PDE10A: variants seen among roughly 807,000 people sequenced by gnomAD.
The protein encoded by PDE10A is cAMP and cAMP-inhibited cGMP 3',5'-cyclic phosphodiesterase 10A.
In PDE10A, 39 loss-of-function variants were observed where a neutral mutation model predicts 97.7. The observed-to-expected ratio is 0.40, with a 90% CI of 0.31 to 0.52. The LOEUF is 0.52. Ranked by LOEUF, PDE10A falls within the 20% of genes least tolerant of loss-of-function variation. PDE10A has a pLI of 0.56. For synonymous variants in PDE10A, 371 were observed against 376.8 expected (o/e 0.98, Z 0.18); for missense variants, 731 against 1,047.8 (o/e 0.70, Z 4.17).
chr6:165,447,346 G>T (rs1188338090), intron 5 of PDE10A, among the ~76,000 whole-genome samples: 2 of 152,156 alleles, frequency 1.3e-5, no homozygotes, highest in Non-Finnish European at 2.9e-5. Context: ...GGCTAGAATT[G>T]CTGAGTCCAA....
At chr6:165,382,211 C>T (rs766040810) in intron 17 of PDE10A, among the ~76,000 whole-genome samples, 5 of 152,228 alleles carry the variant, frequency 3.3e-5, no homozygotes, top group South Asian at 2.1e-4. Flanking sequence ...TTGGTGCTGA[C>T]GCTGAAAGAT....
intron 16 of PDE10A, 119 bp downstream of exon 16, chr6:165,392,527 T>C (rs1785801119): frequency 1.1e-6 from 1 of 940,606 alleles, no homozygotes; most frequent in Non-Finnish European, 1.6e-6. Context: ...TATTGATTTA[T>C]TAAGCCAAAA....
intron 5 of PDE10A, among the ~76,000 whole-genome samples, chr6:165,447,701 G>C (rs1009324739): frequency 3.3e-5 from 5 of 152,148 alleles, no homozygotes; most frequent in Non-Finnish European, 7.3e-5. Context: ...AATACTACCA[G>C]TGTCTGAAAT....
At chr6:165,960,572 AG>A in intron 1 of PDE10A, among the ~76,000 whole-genome samples, 1 of 152,362 alleles carries the variant, frequency 6.6e-6, no homozygotes, top group East Asian at 1.9e-4. Context: ...ACAAGCCTGT[AG>A]TCTTGAAAGG....
At chr6:165,830,580 G>A (rs1417362587) in intron 1 of PDE10A, among the ~76,000 whole-genome samples, 3 of 152,204 alleles carry the variant, frequency 2.0e-5, no homozygotes, top group East Asian at 1.9e-4. Context: ...TGTGCACACC[G>A]GGAGTTACCC....
At chr6:165,913,961 G>C (rs1583277042) in intron 1 of PDE10A, among the ~76,000 whole-genome samples, 1 of 152,168 alleles carries the variant, frequency 6.6e-6, no homozygotes, top group South Asian at 2.1e-4. Flanking sequence ...GGACATAAGG[G>C]TTTCTTGAAT....
intron 1 of PDE10A, among the ~76,000 whole-genome samples, chr6:165,978,773 T>A (rs1391821291): frequency 3.3e-5 from 5 of 152,214 alleles, no homozygotes; most frequent in African/African-American, 9.7e-5. Context: ...TAACGTTATA[T>A]CATTGTTAAG....
chr6:165,788,964 G>A (rs1721709071), intron 1 of PDE10A, among the ~76,000 whole-genome samples: 2 of 152,084 alleles, frequency 1.3e-5, no homozygotes, highest in African/African-American at 4.8e-5. Context: ...GGAGAGAGGT[G>A]GTGGAAAAGG....
intron 1 of PDE10A, among the ~76,000 whole-genome samples, chr6:165,721,837 A>T (rs1266383204): frequency 6.6e-6 from 1 of 152,232 alleles, no homozygotes; most frequent in Non-Finnish European, 1.5e-5. Context: ...AATAAAAAGT[A>T]TACTGATATA....
intron 13 of PDE10A, among the ~76,000 whole-genome samples, chr6:165,409,099 A>G (rs1229479973): frequency 6.9e-6 from 1 of 144,342 alleles, no homozygotes; most frequent in Admixed American, 7.0e-5. Context: ...TGGGAGGAGG[A>G]GCTTGCAACA....
chr6:165,476,850 G>A (rs1193410118), intron 3 of PDE10A, among the ~76,000 whole-genome samples: 1 of 151,964 alleles, frequency 6.6e-6, no homozygotes, highest in African/African-American at 2.4e-5. Flanking sequence ...AGCATTTTGG[G>A]GGTAAAGTCT....
chr6:165,674,973 A>G (rs1349598830), intron 1 of PDE10A, among the ~76,000 whole-genome samples: 1 of 152,224 alleles, frequency 6.6e-6, no homozygotes, highest in Non-Finnish European at 1.5e-5. Flanking sequence ...TGCCCACAGC[A>G]CACACCAACC....
intron 3 of PDE10A, among the ~76,000 whole-genome samples, chr6:165,459,329 T>C (rs947563307): frequency 2.0e-5 from 3 of 152,156 alleles, no homozygotes; most frequent in African/African-American, 7.2e-5. Context: ...CACGTCCTAA[T>C]GATTCCTTCA....
chr6:165,613,893 T>G (rs892743534), intron 1 of PDE10A, among the ~76,000 whole-genome samples: 2 of 152,242 alleles, frequency 1.3e-5, no homozygotes, highest in African/African-American at 4.8e-5. Flanking sequence ...GACTCAAAAC[T>G]GAACATCTCC....
chr6:165,854,725 T>G (rs1780670892), intron 1 of PDE10A, among the ~76,000 whole-genome samples: 1 of 152,112 alleles, frequency 6.6e-6, no homozygotes, highest in Non-Finnish European at 1.5e-5. Flanking sequence ...AGGCCTGGCC[T>G]GAGCCCGGGA....
At chr6:165,361,389 A>G (rs1167887133) in intron 18 of PDE10A, among the ~76,000 whole-genome samples, 1 of 152,242 alleles carries the variant, frequency 6.6e-6, no homozygotes, top group Non-Finnish European at 1.5e-5. Flanking sequence ...TAACAAAAAG[A>G]AACTTGGAAT....
At chr6:165,343,714 A>G (rs914789691) in intron 18 of PDE10A, among the ~76,000 whole-genome samples, 1 of 152,206 alleles carries the variant, frequency 6.6e-6, no homozygotes, top group South Asian at 2.1e-4. Context: ...AAGTCCCGTG[A>G]GGAGTGCATC....
At chr6:165,940,018 T>A (rs1783457417) in intron 1 of PDE10A, 1 of 152,178 alleles carries the variant, frequency 6.6e-6, no homozygotes, top group Non-Finnish European at 1.5e-5. Context: ...GACACTCAGC[T>A]CTCAACAATC....
Position 165,329,060 on chromosome 6 carries a change from C to T in PDE10A, c.*3965G>A, listed in dbSNP as rs1196987212. The T allele has an allele frequency of 6.6e-6, 1 of 152,112 alleles. No individual in the cohort carries two copies. The highest frequency in any genetic ancestry group is 6.5e-5 in the Admixed American group (1 of 15,272). The allele number at this position is 152,112 out of a possible 1,614,324, so 9.4% of individuals were successfully genotyped here. ...CAGTAGAAGAGATCCACTATAGTGA[C>T]TAAATGAATATAGTCTTTAAAGAAT... On this transcript the variant is annotated 3_prime_UTR_variant, in exon 22 of 22. Transcript: ENST00000539869.
Sources: allele counts gnomAD v4.1 joint callset (sites outside exome capture counted in the v4.1 genomes callset), GRCh38; gene constraint gnomAD v4.1.1; transcripts MANE v1.5; gene names NCBI Gene and HGNC (gene_info 2026-07-23, HGNC 2026-07-21).